KCNJ3: variants seen among roughly 807,000 people sequenced by gnomAD.
The protein encoded by KCNJ3 is potassium inwardly rectifying channel subfamily J member 3.
KCNJ3 carries 4 observed loss-of-function variants against 39.2 expected under a neutral mutation model. That is an observed-to-expected ratio of 0.10 (90% CI 0.05 to 0.23). The LOEUF (loss-of-function observed/expected upper bound fraction) is 0.23. KCNJ3 is among the 10% of genes least tolerant of loss of function. The probability of loss-of-function intolerance (pLI) is 1.00; values close to 1 mark genes in which losing one functional copy is unlikely to be tolerated. For synonymous variants in KCNJ3, 230 were observed against 237.4 expected (o/e 0.97, Z 0.29); for missense variants, 276 against 634.9 (o/e 0.43, Z 6.08).
intron 2 of KCNJ3, among the ~76,000 whole-genome samples, chr2:154,802,874 G>A (rs967389441): frequency 1.3e-5 from 2 of 151,582 alleles, no homozygotes; most frequent in East Asian, 1.9e-4. Context: ...TTTTTTGAGG[G>A]GATGGAGGAA....
At chr2:154,811,970 G>A (rs997699593) in intron 2 of KCNJ3, among the ~76,000 whole-genome samples, 6 of 151,890 alleles carry the variant, frequency 4.0e-5, no homozygotes, top group African/African-American at 1.2e-4. Context: ...TCAATTGTTG[G>A]GCAAAGAAAA....
intron 2 of KCNJ3, among the ~76,000 whole-genome samples, chr2:154,835,465 T>TGAATATGAATATATAATATTCAC (rs1687441939): frequency 1.0e-5 from 1 of 95,978 alleles, no homozygotes; most frequent in African/African-American, 3.2e-5. Flanking sequence ...ATAATATTCA[T>TGAATATGAATATATAATATTCAC]GAATATGAAT....
At chr2:154,708,233 T>A (rs879733868) in intron 1 of KCNJ3, among the ~76,000 whole-genome samples, 17 of 152,172 alleles carry the variant, frequency 1.1e-4, no homozygotes, top group Non-Finnish European at 2.1e-4. Flanking sequence ...GCCTCTCTAG[T>A]TGACTAATTC....
chr2:154,757,797 C>T lies in KCNJ3; in HGVS notation c.919+47978C>T, dbSNP rs72875736. 2.3e-3 allele frequency among the ~76,000 whole-genome samples: 354 copies of T among 152,248 alleles called. 1 individual carries two copies. Among genetic ancestry groups the T allele is most frequent in the Non-Finnish European group, 4.2e-3 (284 of 68,000 alleles). On this transcript the variant is annotated intron_variant, in intron 2 of 2. Coordinates refer to ENST00000295101, the MANE Select transcript of KCNJ3 (RefSeq NM_002239.4). ...CCACTTCAGTGGTGGTGCATTGTTG[C>T]TGTGTCCTCACATGGTGGAAAGGAG...
chr2:154,725,910 T>C (rs113481454), intron 2 of KCNJ3, among the ~76,000 whole-genome samples: 13,897 of 151,998 alleles, frequency 0.091, 683 homozygotes, highest in African/African-American at 0.11. Context: ...AAGCCACATG[T>C]AGAAGAATGA....
intron 2 of KCNJ3, among the ~76,000 whole-genome samples, chr2:154,748,330 T>C (rs1685781935): frequency 6.6e-6 from 1 of 152,016 alleles, no homozygotes; most frequent in Admixed American, 6.6e-5. Flanking sequence ...TATAGTGGCC[T>C]TTCAAATAAA....
At chr2:154,739,597 A>G (rs1685610460) in intron 2 of KCNJ3, among the ~76,000 whole-genome samples, 2 of 151,960 alleles carry the variant, frequency 1.3e-5, no homozygotes, top group African/African-American at 2.4e-5. Flanking sequence ...CCTTCATCCT[A>G]TCTTGGCTTT....
At chr2:154,770,419 A>T (rs1686218533) in intron 2 of KCNJ3, among the ~76,000 whole-genome samples, 1 of 147,706 alleles carries the variant, frequency 6.8e-6, no homozygotes, top group African/African-American at 2.4e-5. Flanking sequence ...CAGCTTGAAG[A>T]AATTTGAGAA....
chr2:154,714,744 G>C (rs1315559944), intron 2 of KCNJ3, among the ~76,000 whole-genome samples: 1 of 151,930 alleles, frequency 6.6e-6, no homozygotes, highest in Non-Finnish European at 1.5e-5. Context: ...TAATTAATTT[G>C]TTCATCCAGC....
chr2:154,782,541 T>TC (rs1553458772), intron 2 of KCNJ3, among the ~76,000 whole-genome samples: 4,013 of 151,236 alleles, frequency 0.027, 85 homozygotes, highest in Non-Finnish European at 0.034. Flanking sequence ...CACACACACA[T>TC]ACACGCAGGC....
intron 2 of KCNJ3, among the ~76,000 whole-genome samples, chr2:154,768,720 G>A (rs867143036): frequency 1.3e-5 from 2 of 152,116 alleles, no homozygotes; most frequent in Non-Finnish European, 2.9e-5. Context: ...CTAATTCTGT[G>A]AATTAAGGCA....
intron 2 of KCNJ3, among the ~76,000 whole-genome samples, chr2:154,750,046 G>T (rs1685811568): frequency 6.6e-6 from 1 of 151,966 alleles, no homozygotes; most frequent in African/African-American, 2.4e-5. Flanking sequence ...TCTTGTAGAA[G>T]AAAGCCTAGT....
chr2:154,806,138 T>G (rs1686908031), intron 2 of KCNJ3, among the ~76,000 whole-genome samples: 3 of 152,194 alleles, frequency 2.0e-5, no homozygotes, highest in Admixed American at 2.0e-4. Flanking sequence ...GTGAAGGTTC[T>G]GAGATTTGAT....
chr2:154,785,699 A>G (rs1686518307), intron 2 of KCNJ3, among the ~76,000 whole-genome samples: 2 of 152,116 alleles, frequency 1.3e-5, no homozygotes, highest in African/African-American at 2.4e-5. Context: ...CCTTTTCTTT[A>G]TAAGTTACCC....
At chr2:154,777,337 A>T (rs1362096360) in intron 2 of KCNJ3, among the ~76,000 whole-genome samples, 2 of 152,118 alleles carry the variant, frequency 1.3e-5, no homozygotes, top group African/African-American at 4.8e-5. Context: ...AACTTAAGCA[A>T]ATATTCTTTT....
intron 2 of KCNJ3, among the ~76,000 whole-genome samples, chr2:154,737,663 G>A (rs1685571731): frequency 6.6e-6 from 1 of 152,176 alleles, no homozygotes; most frequent in African/African-American, 2.4e-5. Flanking sequence ...TAATGTTGGA[G>A]ATGAAAAATA....
At position 154,756,868 on chromosome 2, in the gene KCNJ3, A is replaced by G. The variant is rs2105185733; in HGVS notation, c.919+47049A>G. Among the ~76,000 whole-genome samples the G allele has an allele frequency of 1.3e-5, 2 of 152,222 alleles. 1 individual carries two copies. Among genetic ancestry groups the G allele is most frequent in the South Asian group, 4.1e-4 (2 of 4,822 alleles). ...AAAAAAGCAAATTTACAAATTTGACACCTAAGACATTTGTACTGTAGAAAG... is the reference window on the plus strand; with the variant it reads ...AAAAAAGCAAATTTACAAATTTGACGCCTAAGACATTTGTACTGTAGAAAG... On this transcript the variant is annotated intron_variant, in intron 2 of 2. Coordinates refer to ENST00000295101, the MANE Select transcript of KCNJ3 (RefSeq NM_002239.4).
intron 2 of KCNJ3, among the ~76,000 whole-genome samples, chr2:154,802,314 T>C (rs1441614666): frequency 6.6e-6 from 1 of 152,094 alleles, no homozygotes; most frequent in Non-Finnish European, 1.5e-5. Context: ...GGTGTGGTCA[T>C]GTGAGGGAGC....
rs940481503 is a variant in KCNJ3 at position 154,753,455 on chromosome 2, A to G, written c.919+43636A>G. Reference sequence around the variant, plus strand: ...TTGTAAGAAATCACATTAATTGTGGAGTTTTTTCCAGATTTTAGCACTGAA... The same window carrying G: ...TTGTAAGAAATCACATTAATTGTGGGGTTTTTTCCAGATTTTAGCACTGAA... On this transcript the variant is annotated intron_variant, in intron 2 of 2. Transcript: ENST00000295101. Among the ~76,000 whole-genome samples the G allele has an allele frequency of 2.0e-5, 3 of 152,070 alleles. No individual in the cohort carries two copies. The South Asian group carries it at 6.2e-4, about 32-fold the overall frequency.
Sources: allele counts gnomAD v4.1 joint callset (sites outside exome capture counted in the v4.1 genomes callset), GRCh38; gene constraint gnomAD v4.1.1; transcripts MANE v1.5; gene names NCBI Gene and HGNC (gene_info 2026-07-23, HGNC 2026-07-21).